BNIP5: variants seen among roughly 807,000 people sequenced by gnomAD.
BNIP5 encodes protein BNIP5.
A neutral mutation model predicts 67.3 loss-of-function variants in BNIP5; 61 were observed. The observed-to-expected ratio is 0.91, with a 90% CI of 0.74 to 1.12. The LOEUF (loss-of-function observed/expected upper bound fraction) is 1.12. Ranked by LOEUF, BNIP5 falls within the 50% of genes most tolerant of loss-of-function variation. BNIP5 has a pLI of 0.00. For synonymous variants in BNIP5, 317 were observed against 319.0 expected, an observed-to-expected ratio of 0.99 and a Z score of 0.07; for missense variants, 826 against 816.3, an observed-to-expected ratio of 1.01 and a Z score of -0.14.
At chr6:36,325,459 G>A (rs1433911534) in intron 5 of BNIP5, 45 bp from the exon 6 acceptor site, 2 of 1,572,682 alleles carry the variant, frequency 1.3e-6, no homozygotes, top group Non-Finnish European at 1.7e-6. Context: ...TCTGTCTGGG[G>A]CTGTTAACTA....
rs771582321 is a variant in BNIP5 at position 36,323,388 on chromosome 6, G to C, written c.1376C>G (p.Ala459Gly). ...TSKEPRRAGA[A>G]GAASPEARRP... Reference sequence around the variant, plus strand: ...TCGGGCCTCTGGGCTGGCAGCCCCTGCTGCCCCCGCTCTTCTGGGTTCCTT... The same window carrying C: ...TCGGGCCTCTGGGCTGGCAGCCCCTCCTGCCCCCGCTCTTCTGGGTTCCTT... The change falls in exon 8 of 12, where the codon GCA becomes GGA. Residue 459 changes from alanine (A) to glycine (G), a missense_variant. Transcript: ENST00000437635. 1 of 1,614,272 alleles carries C rather than the reference G, an allele frequency of 6.2e-7. No homozygotes were observed. Among genetic ancestry groups the C allele is most frequent in the South Asian group, 1.1e-5 (1 of 91,092 alleles).
intron 7 of BNIP5, 126 bp downstream of exon 7, chr6:36,324,000 CAAA>C (rs35557075): frequency 4.0e-3 from 2,365 of 589,784 alleles, no homozygotes; most frequent in South Asian, 6.2e-3. Flanking sequence ...ACTCCGTCTC[CAAA>C]AAAAAAAAAA....
chr6:36,325,352 C>T lies in BNIP5; in HGVS notation c.1099G>A (p.Val367Met), dbSNP rs555823348. 4.1e-5 allele frequency: 66 copies of T among 1,614,118 alleles called. No homozygotes were observed. The highest frequency in any genetic ancestry group is 1.2e-4 in the Admixed American group (7 of 60,022). ...TGGCTCTCTGATGGGGTGGGAAGCA[C>T]GGAGGGACCTGGAGCCCCAGCCTCT... ...STEAGAPGPS[V>M]LPTPSESQEP... Residue 367 changes from valine (V) to methionine (M), a missense_variant, in exon 6 of 12, where the codon GTG becomes ATG. Transcript: ENST00000437635.
In BNIP5 at chr6:36,330,663, G is replaced by T. The variant is rs745999231; in HGVS notation, c.28C>A (p.Pro10Thr). The T allele has an allele frequency of 1.3e-5, 21 of 1,591,356 alleles. No homozygotes were observed. In the South Asian group the frequency reaches 2.1e-4, roughly 16 times the overall value. Residue 10 changes from proline to threonine, a missense_variant, in exon 2 of 12, where the codon CCC becomes ACC. By Grantham distance (38) the Pro-to-Thr change is conservative (BLOSUM62 -1). Coordinates refer to ENST00000437635, the MANE Select transcript of BNIP5 (RefSeq NM_001010903.5). MENPRCPRR[P>T]LAEKKARSLD... ...GACCTGGCTTTCTTCTCCGCCAGGG[G>T]CCTCCTTGGGCACCTTGGATTCTCC...
At chr6:36,328,070 C>T (rs186380847) in intron 3 of BNIP5, among the ~76,000 whole-genome samples, 3 of 152,224 alleles carry the variant, frequency 2.0e-5, no homozygotes, top group Admixed American at 1.3e-4. Flanking sequence ...GGATTATGCT[C>T]CATTTATTAG....
chr6:36,330,637 A>C lies in BNIP5; in HGVS notation c.54T>G (p.Ser18=), dbSNP rs1275111083. 11 of 1,604,864 alleles carry C rather than the reference A, an allele frequency of 6.9e-6. No individual in the cohort carries two copies. The highest frequency in any genetic ancestry group is 5.3e-5 in the African/African-American group (4 of 74,786). The stretch of plus-strand genomic sequence containing the variant: ...TCCCGGGGGCCTGCGGCCTGTCCAG[A>C]GACCTGGCTTTCTTCTCCGCCAGGG... ...RRPLAEKKAR[S]LDRPQAPGKG... The change falls in exon 2 of 12, where the codon TCT becomes TCG. Residue 18 remains serine, a synonymous_variant. Coordinates refer to ENST00000437635, the MANE Select transcript of BNIP5 (RefSeq NM_001010903.5).
intron 5 of BNIP5, among the ~76,000 whole-genome samples, chr6:36,326,038 T>C (rs2127366935): frequency 6.6e-6 from 1 of 152,296 alleles, no homozygotes; most frequent in South Asian, 2.1e-4. Context: ...TAGTTGCACT[T>C]CATCTGATGG....
At position 36,323,420 on chromosome 6, in the gene BNIP5, G is replaced by A; in HGVS notation, c.1344C>T (p.His448=). The stretch of plus-strand genomic sequence containing the variant: ...CCGCTCTTCTGGGTTCCTTGGAGGT[G>A]TGTTTCTTATGGTAAAACGCTCTCC... ...SFRRAFYHKK[H]TSKEPRRAGA... is the part of the protein sequence containing the mutation. The change falls in exon 8 of 12, where the codon CAC becomes CAT. Residue 448 remains histidine, a synonymous_variant. Coordinates refer to ENST00000437635, the MANE Select transcript of BNIP5 (RefSeq NM_001010903.5). The A allele has an allele frequency of 6.2e-7, 1 of 1,614,268 alleles. No homozygotes were observed. Among genetic ancestry groups the A allele is most frequent in the South Asian group, 1.1e-5 (1 of 91,092 alleles).
intron 2 of BNIP5, 127 bp from the exon 3 acceptor site, chr6:36,328,841 A>ACT: frequency 1.4e-6 from 1 of 700,394 alleles, no homozygotes; most frequent in Non-Finnish European, 2.6e-6. Context: ...GTGCTGCTGC[A>ACT]GCCCGCTCTA....
intron 11 of BNIP5, among the ~76,000 whole-genome samples, chr6:36,318,206 G>A (rs1272816332): frequency 6.6e-6 from 1 of 152,238 alleles, no homozygotes. Flanking sequence ...AGGTTTCCCA[G>A]GGGACCACTT....
intron 1 of BNIP5, among the ~76,000 whole-genome samples, chr6:36,333,763 T>C (rs1307249248): frequency 1.3e-5 from 2 of 152,276 alleles, no homozygotes; most frequent in African/African-American, 4.8e-5. Flanking sequence ...GTTGAAGTTC[T>C]ATGTGATTTA....
intron 9 of BNIP5, among the ~76,000 whole-genome samples, chr6:36,321,478 G>C (rs1285957316): frequency 1.3e-5 from 2 of 152,132 alleles, no homozygotes; most frequent in African/African-American, 2.4e-5. Flanking sequence ...ACCACATTCA[G>C]CTTCATTTGA....
chr6:36,328,567 G>A (rs780592522), intron 3 of BNIP5, 31 bp downstream of exon 3: 2 of 1,388,502 alleles, frequency 1.4e-6, no homozygotes, highest in South Asian at 1.2e-5. Context: ...CTCAGCCACA[G>A]GCAAAAAGGT....
chr6:36,326,555 GC>G lies in BNIP5; in HGVS notation c.990del (p.Leu332CysfsTer90), dbSNP rs756398542. On this transcript the variant is annotated frameshift_variant, in exon 5 of 12. Coordinates refer to ENST00000437635, the MANE Select transcript of BNIP5 (RefSeq NM_001010903.5). LOFTEE classifies it high-confidence loss of function. Reference protein sequence around the residue: ...EAWPPKKSSFLPLCVSGHRPS... With the variant: ...EAWPPKKSSFXPLCVSGHRPS... ...GGCCGATGGCCGCTGACACACAGGG[GC>G]AGAAAGCTGGACTTCTTGGGTGGCC... 1 of 1,614,256 alleles carries G rather than the reference GC, an allele frequency of 6.2e-7. No individual in the cohort carries two copies. Among genetic ancestry groups the G allele is most frequent in the South Asian group, 1.1e-5 (1 of 91,090 alleles).
chr6:36,326,929 G>A (rs1248331383), intron 4 of BNIP5, 101 bp downstream of exon 4: 8 of 1,387,926 alleles, frequency 5.8e-6, no homozygotes, highest in South Asian at 1.2e-5. Context: ...TTCAGGGAAG[G>A]AATGGACTAG....
Position 36,328,728 on chromosome 6 carries a change from G to T in BNIP5, c.611-14C>A, listed in dbSNP as rs371334909. ...AATCTTCCCCACCTGGAATAGAGAC[G>T]AAAGCAAACGGGTATGTAGGTGTGT... On this transcript the variant is annotated splice_polypyrimidine_tract_variant and intron_variant, in intron 2 of 11. Transcript: ENST00000437635. 12 of 1,520,694 alleles carry T rather than the reference G, an allele frequency of 7.9e-6. No individual in the cohort carries two copies. In the South Asian group the frequency reaches 1.2e-4, roughly 16 times the overall value. 94.2% of individuals were successfully genotyped at this position (1,520,694 alleles called of 1,614,324 possible). A position where few individuals can be genotyped will look rare whatever the true frequency, so the allele number is the denominator to read the frequency against.
At chr6:36,329,918 AAGGAAGGGAGGG>A (rs113533993) in intron 2 of BNIP5, among the ~76,000 whole-genome samples, 151 bp downstream of exon 2, 1,933 of 148,322 alleles carry the variant, frequency 0.013, 45 homozygotes, top group African/African-American at 0.044. Flanking sequence ...GGAAGGAAAG[AAGGAAGGGAGGG>A]AGGAAGGGAG....
rs758606753 is a variant in BNIP5 at position 36,330,293 on chromosome 6, G to T, written c.398C>A (p.Pro133Gln). Reference protein sequence around the residue: ...PRGKEGISQHPEPLEAAGEPA... With the variant: ...PRGKEGISQHQEPLEAAGEPA... ...CTCCCCTGCTGCTTCCAGGGGCTCC[G>T]GATGCTGGGAGATACCCTCCTTCCC... Residue 133 changes from proline (P) to glutamine (Q), a missense_variant, in exon 2 of 12, where the codon CCG becomes CAG. By Grantham distance (76) the Pro-to-Gln change is moderately conservative. Transcript: ENST00000437635. 6 of 1,614,122 alleles carry T rather than the reference G, an allele frequency of 3.7e-6. No individual in the cohort carries two copies. Among genetic ancestry groups the T allele is most frequent in the Non-Finnish European group, 5.1e-6 (6 of 1,179,994 alleles).
In BNIP5 at chr6:36,330,335, G is replaced by A. The variant is rs773863503; in HGVS notation, c.356C>T (p.Ala119Val). Residue 119 changes from alanine (A) to valine (V), a missense_variant, in exon 2 of 12, where the codon GCC becomes GTC. Coordinates refer to ENST00000437635, the MANE Select transcript of BNIP5 (RefSeq NM_001010903.5). ...CTCCTTCCCCCTTGGCCTCCTGCTG[G>A]CCTTTTCTCTGGGCTCCTCAGGGCC... ...RTGPEEPREK[A>V]SRRPRGKEGI... 6.2e-7 allele frequency: 1 copy of A among 1,614,140 alleles called. No homozygotes were observed. Among genetic ancestry groups the A allele is most frequent in the Non-Finnish European group, 8.5e-7 (1 of 1,180,030 alleles).
Sources: allele counts gnomAD v4.1 joint callset (sites outside exome capture counted in the v4.1 genomes callset), GRCh38; gene constraint gnomAD v4.1.1; transcripts MANE v1.5; gene names NCBI Gene and HGNC (gene_info 2026-07-23, HGNC 2026-07-21).